Variants in GSK3B observed in about 807,000 individuals in gnomAD.
The protein encoded by GSK3B is glycogen synthase kinase 3 beta.
GSK3B carries 15 observed loss-of-function variants against 56.4 expected under a neutral mutation model. The observed-to-expected ratio is 0.27, with a 90% CI of 0.18 to 0.41. The LOEUF (loss-of-function observed/expected upper bound fraction) is 0.41, where lower values mean the gene tolerates loss of function less well. Among genes scored for constraint, GSK3B ranks in the 10% least tolerant of loss-of-function variants. The pLI is 1.00. For missense variants in GSK3B, 300 were observed against 513.4 expected, an observed-to-expected ratio of 0.58 and a Z score of 4.02; for synonymous variants, 181 against 188.9, an observed-to-expected ratio of 0.96 and a Z score of 0.34.
intron 2 of GSK3B, among the ~76,000 whole-genome samples, chr3:119,971,600 A>ATTTTTTT (rs1226171278): frequency 2.1e-5 from 2 of 96,618 alleles, no homozygotes; most frequent in African/African-American, 1.1e-4. Context: ...TATTTGCAAT[A>ATTTTTTT]ATTTTTTTTT....
intron 1 of GSK3B, among the ~76,000 whole-genome samples, chr3:120,048,115 A>G (rs2058118721): frequency 6.6e-6 from 1 of 152,246 alleles, no homozygotes; most frequent in African/African-American, 2.4e-5. Context: ...GTTAAAGCCA[A>G]TCATTTAGTA....
chr3:119,967,696 A>C (rs2057330076), intron 2 of GSK3B, among the ~76,000 whole-genome samples: 1 of 151,962 alleles, frequency 6.6e-6, no homozygotes. Context: ...TTCAGCTGTA[A>C]AGGACTGAAG....
chr3:119,866,830 G>C (rs1246395016), intron 8 of GSK3B, among the ~76,000 whole-genome samples: 1 of 152,046 alleles, frequency 6.6e-6, no homozygotes, highest in Non-Finnish European at 1.5e-5. Flanking sequence ...TCACCACAGT[G>C]TATGCAAAAA....
At chr3:120,067,788 C>T (rs1023912535) in intron 1 of GSK3B, among the ~76,000 whole-genome samples, 2 of 152,094 alleles carry the variant, frequency 1.3e-5, no homozygotes, top group African/African-American at 4.8e-5. Flanking sequence ...ATCTGATTTC[C>T]TCAATAAATA....
At chr3:119,964,122 A>G (rs1223719269) in intron 2 of GSK3B, among the ~76,000 whole-genome samples, 1 of 152,252 alleles carries the variant, frequency 6.6e-6, no homozygotes, top group Non-Finnish European at 1.5e-5. Flanking sequence ...CAAGGAGTTA[A>G]TTTCAGAAAA....
At chr3:119,919,109 C>T (rs2056810840) in intron 4 of GSK3B, among the ~76,000 whole-genome samples, 1 of 152,080 alleles carries the variant, frequency 6.6e-6, no homozygotes, top group South Asian at 2.1e-4. Context: ...TTAAAACCTA[C>T]TTAAGTTCTG....
At chr3:119,889,229 C>T (rs2056474177) in intron 7 of GSK3B, among the ~76,000 whole-genome samples, 1 of 152,030 alleles carries the variant, frequency 6.6e-6, no homozygotes, top group African/African-American at 2.4e-5. Context: ...TATGTGATGT[C>T]ACCCCCGGAG....
At chr3:120,025,336 C>T (rs1011751094) in intron 1 of GSK3B, among the ~76,000 whole-genome samples, 2 of 152,044 alleles carry the variant, frequency 1.3e-5, no homozygotes, top group Non-Finnish European at 1.5e-5. Context: ...TAGCCTACAA[C>T]AGTTCTCAGT....
At chr3:120,026,348 G>C (rs1455683021) in intron 1 of GSK3B, among the ~76,000 whole-genome samples, 1 of 152,108 alleles carries the variant, frequency 6.6e-6, no homozygotes, top group Non-Finnish European at 1.5e-5. Flanking sequence ...GCGAAACAAA[G>C]GATACGGGAG....
intron 1 of GSK3B, among the ~76,000 whole-genome samples, chr3:120,042,103 T>C (rs1212830203): frequency 6.6e-6 from 1 of 152,348 alleles, no homozygotes; most frequent in African/African-American, 2.4e-5. Context: ...CTATTGTCTA[T>C]GTCCCCAGAC....
intron 1 of GSK3B, among the ~76,000 whole-genome samples, chr3:120,077,930 A>T (rs1041855382): frequency 3.9e-5 from 6 of 152,136 alleles, no homozygotes; most frequent in South Asian, 4.1e-4. Flanking sequence ...CAATTAAAAA[A>T]ATATATTTTT....
intron 8 of GSK3B, 146 bp from the exon 9 acceptor site, chr3:119,863,751 T>C: frequency 3.4e-6 from 2 of 584,900 alleles, no homozygotes; most frequent in Admixed American, 3.0e-5. Flanking sequence ...AAGAGTTAAA[T>C]GCATATGATT....
At chr3:119,934,552 C>G (rs1030172307) in intron 3 of GSK3B, among the ~76,000 whole-genome samples, 2 of 152,282 alleles carry the variant, frequency 1.3e-5, no homozygotes, top group Non-Finnish European at 2.9e-5. Context: ...ATGTGGTATT[C>G]TTTCTTATAC....
intron 7 of GSK3B, among the ~76,000 whole-genome samples, chr3:119,893,724 T>G (rs749222773): frequency 1.3e-5 from 2 of 152,128 alleles, no homozygotes; most frequent in South Asian, 2.1e-4. Context: ...TCTCCTTCCC[T>G]TTTAGGGGGC....
chr3:119,879,742 GAA>G (rs2056358569), intron 7 of GSK3B, among the ~76,000 whole-genome samples: 1 of 152,086 alleles, frequency 6.6e-6, no homozygotes, highest in Admixed American at 6.5e-5. Context: ...GAGAATATGC[GAA>G]GTTTGTCTGT....
rs544484004 is a variant in GSK3B at position 119,896,535 on chromosome 3, T to C, written c.813+9220A>G. On this transcript the variant is annotated intron_variant, in intron 7 of 10. Transcript: ENST00000264235. Reference sequence around the variant, plus strand: ...AAGCCAAGATTTCCTTCATACTGTCTTAATATCTTATACATCAAATAAACA... The same window carrying C: ...AAGCCAAGATTTCCTTCATACTGTCCTAATATCTTATACATCAAATAAACA... Among the ~76,000 whole-genome samples, 10 of 151,070 alleles carry C rather than the reference T, an allele frequency of 6.6e-5. No individual in the cohort carries two copies. The South Asian group carries it at 2.1e-3, about 31-fold the overall frequency.
chr3:119,923,401 T>G lies in GSK3B; in HGVS notation c.449A>C (p.Lys150Thr). The change falls in exon 4 of 11, where the codon AAA (lysine) becomes ACA (threonine). Residue 150 changes from lysine to threonine, a missense_variant. Transcript: ENST00000264235. The stretch of plus-strand genomic sequence containing the variant: ...GACATAAATCACAGGGAGCGTCTGT[T>G]TGGCTCGACTATAGTGTCTGGCAAC... ...YRVARHYSRA[K>T]QTLPVIYVKL... 6.3e-7 allele frequency: 1 copy of G among 1,596,228 alleles called. No individual in the cohort carries two copies. Among genetic ancestry groups the G allele is most frequent in the Non-Finnish European group, 8.6e-7 (1 of 1,164,990 alleles).
At chr3:120,020,280 G>C (rs543731128) in intron 1 of GSK3B, among the ~76,000 whole-genome samples, 1 of 152,164 alleles carries the variant, frequency 6.6e-6, no homozygotes, top group African/African-American at 2.4e-5. Flanking sequence ...TAGTAATGAT[G>C]CTGTTTATAG....
Position 119,821,785 on chromosome 3 carries a change from C to A in GSK3B, c.*5003G>T, listed in dbSNP as rs936877302. The stretch of plus-strand genomic sequence containing the variant: ...TTGGGGCTACACAATGGAATAAAAT[C>A]ATTGGAAAGAACAAGAAGTGGTATT... On this transcript the variant is annotated 3_prime_UTR_variant, in exon 11 of 11. Transcript: ENST00000264235. 6.3e-6 allele frequency: 1 copy of A among 159,334 alleles called. No homozygotes were observed. The highest frequency in any genetic ancestry group is 1.4e-5 in the Non-Finnish European group (1 of 72,264). The allele number at this position is 159,334 out of a possible 1,614,324, so 9.9% of individuals were successfully genotyped here. A position where few individuals can be genotyped will look rare whatever the true frequency, so the allele number is the denominator to read the frequency against.
Sources: gnomAD v4.1 joint callset for allele counts (sites outside exome capture counted in the v4.1 genomes callset) on GRCh38, gnomAD v4.1.1 for gene constraint, MANE v1.5 for transcripts, NCBI Gene and HGNC (gene_info 2026-07-23, HGNC 2026-07-21) for gene names.